The following MCU variants were observed in gnomAD, a reference collection of about 807,000 sequenced individuals.
MCU encodes mitochondrial calcium uniporter, also known as calcium uniporter protein, mitochondrial.
In MCU, 12 loss-of-function variants were observed where a neutral mutation model predicts 45.2. That is an observed-to-expected ratio of 0.27 (90% CI 0.17 to 0.43). MCU has a LOEUF of 0.43. MCU is among the 20% of genes least tolerant of loss of function. MCU has a pLI of 1.00. For synonymous variants in MCU, 160 were observed against 165.1 expected (o/e 0.97, Z 0.24); for missense variants, 324 against 436.7 (o/e 0.74, Z 2.30).
intron 1 of MCU, among the ~76,000 whole-genome samples, chr10:72,763,987 C>T (rs1843691615): frequency 6.6e-6 from 1 of 152,130 alleles, no homozygotes; most frequent in Non-Finnish European, 1.5e-5. Context: ...GCCTAAATTT[C>T]TATTTTTTTT....
Position 72,714,345 on chromosome 10 carries a change from CTTTTTTTTT to C in MCU, c.150+22059_150+22067del, listed in dbSNP as rs1160353409. Among the ~76,000 whole-genome samples, 9 of 54,766 alleles carry C rather than the reference CTTTTTTTTT, an allele frequency of 1.6e-4. 1 individual carries two copies. The highest frequency in any genetic ancestry group is 5.7e-4 in the South Asian group (1 of 1,750). The allele number at this position is 54,766 out of a possible 152,430, so 35.9% of individuals were successfully genotyped here. ...TTACTTCAGTTCCCCCCGCCCTGGT[CTTTTTTTTT>C]TTTTTTTTTTTTTTAAAGAGATGGG... On this transcript the variant is annotated intron_variant, in intron 1 of 7. Transcript: ENST00000373053.
chr10:72,715,472 T>G (rs1041195501), intron 1 of MCU, among the ~76,000 whole-genome samples: 1 of 152,174 alleles, frequency 6.6e-6, no homozygotes, highest in African/African-American at 2.4e-5. Flanking sequence ...TTAGCCTGAT[T>G]AGACCATATT....
intron 1 of MCU, among the ~76,000 whole-genome samples, chr10:72,770,167 T>C (rs1843784045): frequency 6.6e-6 from 1 of 152,214 alleles, no homozygotes; most frequent in South Asian, 2.1e-4. Context: ...GAGCATACTT[T>C]ATTATTTCAA....
chr10:72,800,102 A>T (rs1372635264), intron 1 of MCU, among the ~76,000 whole-genome samples: 1 of 152,224 alleles, frequency 6.6e-6, no homozygotes, highest in Non-Finnish European at 1.5e-5. Context: ...ACGCAGGAAC[A>T]CAACACACAG....
At chr10:72,856,723 C>T (rs940849470) in intron 2 of MCU, among the ~76,000 whole-genome samples, 2 of 144,660 alleles carry the variant, frequency 1.4e-5, no homozygotes, top group East Asian at 2.0e-4. Context: ...TGCTCAAGCT[C>T]AGGAGTTCAA....
chr10:72,747,735 G>A (rs1843435068), intron 1 of MCU, among the ~76,000 whole-genome samples: 1 of 152,020 alleles, frequency 6.6e-6, no homozygotes, highest in South Asian at 2.1e-4. Flanking sequence ...TATTCTGGAG[G>A]CAGAGTGGGA....
chr10:72,724,359 A>G lies in MCU; in HGVS notation c.150+32058A>G, dbSNP rs868420304. On this transcript the variant is annotated intron_variant, in intron 1 of 7. Coordinates refer to ENST00000373053, the MANE Select transcript of MCU (RefSeq NM_138357.3). Reference sequence around the variant, plus strand: ...GTATAAGTGAAGTGAGATTCTTTTAAAAGTACTGTCTTTCCCTTTGCTGTG... The same window carrying G: ...GTATAAGTGAAGTGAGATTCTTTTAGAAGTACTGTCTTTCCCTTTGCTGTG... Among the ~76,000 whole-genome samples the G allele has an allele frequency of 3.9e-5, 6 of 152,314 alleles. No homozygotes were observed. In the South Asian group the frequency reaches 8.3e-4, roughly 21 times the overall value.
At chr10:72,864,507 G>A (rs1845424367) in intron 4 of MCU, among the ~76,000 whole-genome samples, 1 of 152,080 alleles carries the variant, frequency 6.6e-6, no homozygotes, top group South Asian at 2.1e-4. Context: ...ATACAGTACA[G>A]CACTATAAAT....
intron 1 of MCU, among the ~76,000 whole-genome samples, chr10:72,792,313 G>T (rs1478559973): frequency 6.6e-6 from 1 of 152,182 alleles, no homozygotes; most frequent in African/African-American, 2.4e-5. Flanking sequence ...AAAAGGACAG[G>T]ATATTTTGAA....
At chr10:72,836,538 A>G (rs1004989625) in intron 2 of MCU, among the ~76,000 whole-genome samples, 4 of 152,164 alleles carry the variant, frequency 2.6e-5, no homozygotes, top group Admixed American at 2.0e-4. Context: ...CCATATGGAG[A>G]TATTTCAGTA....
intron 4 of MCU, among the ~76,000 whole-genome samples, chr10:72,862,214 C>A (rs1032909345): frequency 9.2e-5 from 14 of 152,088 alleles, no homozygotes; most frequent in Non-Finnish European, 1.8e-4. Context: ...ATCTCCTGAC[C>A]TTGTGATCTG....
intron 1 of MCU, among the ~76,000 whole-genome samples, chr10:72,798,487 T>C (rs1650784971): frequency 6.6e-6 from 1 of 152,164 alleles, no homozygotes; most frequent in Non-Finnish European, 1.5e-5. Context: ...AGGCAGGGTT[T>C]CACCATGCTG....
At chr10:72,692,339 GCGGCGCTGGCGTGTGGGAGCCGCCGGC>G in intron 1 of MCU, 38 bp downstream of exon 1, 1 of 1,188,360 alleles carries the variant, frequency 8.4e-7, no homozygotes, top group African/African-American at 1.6e-5. Context: ...GGAGGGCGGG[GCGGCGCTGGCGTGTGGGAGCCGCCGGC>G]GGGCAGGCCG....
chr10:72,839,362 C>T (rs537215732), intron 2 of MCU, among the ~76,000 whole-genome samples: 1 of 151,936 alleles, frequency 6.6e-6, no homozygotes, highest in South Asian at 2.1e-4. Context: ...TTTAAGTTCC[C>T]CAGTTCTAAT....
intron 1 of MCU, among the ~76,000 whole-genome samples, chr10:72,791,873 A>T (rs190916105): frequency 2.4e-3 from 357 of 151,382 alleles, no homozygotes; most frequent in Non-Finnish European, 3.8e-3. Flanking sequence ...TTTTTAAGTG[A>T]TTCTATCCAG....
chr10:72,799,775 CT>C lies in MCU; in HGVS notation c.151-34576del, dbSNP rs560897790. Among the ~76,000 whole-genome samples the C allele has an allele frequency of 6.8e-4, 104 of 151,956 alleles. No homozygotes were observed. The South Asian group carries it at 9.3e-3, about 14-fold the overall frequency. Reference sequence around the variant, plus strand: ...AAATGTCATTATTATTAAGATTAAACTTTTTTTTATGTCATTGGCCATTTGT... The same window carrying C: ...AAATGTCATTATTATTAAGATTAAACTTTTTTTATGTCATTGGCCATTTGT... On this transcript the variant is annotated intron_variant, in intron 1 of 7. Transcript: ENST00000373053.
At chr10:72,733,595 A>G (rs1245768198) in intron 1 of MCU, among the ~76,000 whole-genome samples, 1 of 152,054 alleles carries the variant, frequency 6.6e-6, no homozygotes, top group African/African-American at 2.4e-5. Flanking sequence ...TTGTGAATAT[A>G]AAATGAACCA....
At chr10:72,850,155 G>A (rs1845185880) in intron 2 of MCU, among the ~76,000 whole-genome samples, 1 of 151,952 alleles carries the variant, frequency 6.6e-6, no homozygotes, top group Admixed American at 6.6e-5. Flanking sequence ...CCTCAGGTGA[G>A]CCACCGCGCC....
chr10:72,739,074 TAA>T (rs1432800571), intron 1 of MCU, among the ~76,000 whole-genome samples: 2 of 152,238 alleles, frequency 1.3e-5, no homozygotes, highest in African/African-American at 4.8e-5. Flanking sequence ...CAGTATGGTT[TAA>T]ATGTCATGCC....
Sources: allele counts gnomAD v4.1 joint callset (sites outside exome capture counted in the v4.1 genomes callset), GRCh38; gene constraint gnomAD v4.1.1; transcripts MANE v1.5; gene names NCBI Gene and HGNC (gene_info 2026-07-23, HGNC 2026-07-21).